The following MAPK10 variants were observed in gnomAD, a reference collection of about 807,000 sequenced individuals.
MAPK10 encodes the protein mitogen-activated protein kinase 10.
In MAPK10, 25 loss-of-function variants were observed where a neutral mutation model predicts 59.3. The observed-to-expected ratio is 0.42, with a 90% confidence interval of 0.31 to 0.59. The LOEUF is 0.59. Ranked by LOEUF, MAPK10 falls within the 20% of genes least tolerant of loss-of-function variation. The pLI, the probability that MAPK10 is intolerant of heterozygous loss-of-function variation, is 0.15. For synonymous variants in MAPK10, 190 were observed against 200.5 expected (o/e 0.95, Z 0.44); for missense variants, 351 against 568.9 (o/e 0.62, Z 3.90).
intron 1 of MAPK10, among the ~76,000 whole-genome samples, chr4:86,410,079 A>G (rs950138751): frequency 3.3e-5 from 5 of 152,200 alleles, no homozygotes; most frequent in African/African-American, 4.8e-5. Flanking sequence ...AATTTCATCA[A>G]TACCTAGTTT....
At chr4:86,203,884 A>G (rs1036571737) in intron 2 of MAPK10, among the ~76,000 whole-genome samples, 1 of 151,798 alleles carries the variant, frequency 6.6e-6, no homozygotes, top group Non-Finnish European at 1.5e-5. Flanking sequence ...ATTTTCTAAT[A>G]AGAACTGTGC....
chr4:86,090,216 A>C (rs2052826372), intron 9 of MAPK10: 1 of 151,300 alleles, frequency 6.6e-6, no homozygotes, highest in Non-Finnish European at 1.5e-5. Flanking sequence ...TGTGGGGGGA[A>C]AAATAAACAG....
At chr4:86,264,267 G>A (rs1395993952) in intron 2 of MAPK10, among the ~76,000 whole-genome samples, 1 of 151,932 alleles carries the variant, frequency 6.6e-6, no homozygotes, top group Non-Finnish European at 1.5e-5. Flanking sequence ...GTTATTTTTT[G>A]TAAAGTTGCC....
intron 12 of MAPK10, 145 bp downstream of exon 12, chr4:86,031,223 G>C: frequency 1.6e-6 from 1 of 624,364 alleles, no homozygotes; most frequent in Non-Finnish European, 2.8e-6. Flanking sequence ...AAAGACAGAT[G>C]AAGTTTTAGG....
At chr4:86,329,687 G>A (rs1441338699) in intron 2 of MAPK10, among the ~76,000 whole-genome samples, 1 of 152,016 alleles carries the variant, frequency 6.6e-6, no homozygotes, top group Non-Finnish European at 1.5e-5. Context: ...GCAGAGATCC[G>A]GAGTCACAAT....
At chr4:86,508,031 C>T (rs1755936541) in intron 1 of MAPK10, among the ~76,000 whole-genome samples, 1 of 151,990 alleles carries the variant, frequency 6.6e-6, no homozygotes. Context: ...TTATCTCAAA[C>T]CAATTATGTA....
intron 2 of MAPK10, among the ~76,000 whole-genome samples, chr4:86,213,606 G>T (rs2086496359): frequency 6.6e-6 from 1 of 151,960 alleles, no homozygotes; most frequent in African/African-American, 2.4e-5. Flanking sequence ...CAAATTGCTT[G>T]AACTAAATGA....
rs1030098988 is a variant in MAPK10 at position 86,438,460 on chromosome 4, G to A, written c.-122+14570C>T. ...ATCCCAGCACTTTGGGAGGCCGAGG[G>A]GGGTGGATCATCTGAGGTCAGGAGT... On this transcript the variant is annotated intron_variant, in intron 1 of 13. Transcript: ENST00000361569. Among the ~76,000 whole-genome samples the A allele has an allele frequency of 1.2e-4, 18 of 152,024 alleles. No individual in the cohort carries two copies. In the South Asian group the frequency reaches 3.7e-3, roughly 32 times the overall value.
intron 1 of MAPK10, chr4:86,356,488 C>T (rs1734536098): frequency 3.3e-6 from 3 of 921,706 alleles, no homozygotes; most frequent in African/African-American, 3.6e-5. Flanking sequence ...AGAGTTTCTA[C>T]CAAGATTCAC....
intron 1 of MAPK10, among the ~76,000 whole-genome samples, chr4:86,407,455 T>C (rs1441687713): frequency 6.6e-6 from 1 of 152,146 alleles, no homozygotes; most frequent in Non-Finnish European, 1.5e-5. Flanking sequence ...TGTCTACCAA[T>C]GTCATTCACT....
intron 2 of MAPK10, among the ~76,000 whole-genome samples, chr4:86,199,883 C>T (rs1582635782): frequency 6.6e-6 from 1 of 152,014 alleles, no homozygotes; most frequent in South Asian, 2.1e-4. Context: ...ATAGGAAATA[C>T]TCTTGAGGAG....
At position 86,419,416 on chromosome 4, in the gene MAPK10, T is replaced by C. The variant is rs150606068; in HGVS notation, c.-122+33614A>G. 4.6e-5 allele frequency among the ~76,000 whole-genome samples: 7 copies of C among 152,322 alleles called. No individual in the cohort carries two copies. The East Asian group carries it at 1.3e-3, about 29-fold the overall frequency. ...ATGGCATGATGTGTATATACATTTATGTACACAAAAATTACATACATAACA... is the reference window on the plus strand; with the variant it reads ...ATGGCATGATGTGTATATACATTTACGTACACAAAAATTACATACATAACA... On this transcript the variant is annotated intron_variant, in intron 1 of 13. Coordinates refer to the MAPK10 transcript ENST00000361569.
chr4:86,030,638 T>G (rs1031138047), intron 12 of MAPK10, among the ~76,000 whole-genome samples: 4 of 152,152 alleles, frequency 2.6e-5, no homozygotes, highest in Non-Finnish European at 5.9e-5. Context: ...TGGCCCTGTT[T>G]AGTATCTTTA....
intron 1 of MAPK10, among the ~76,000 whole-genome samples, chr4:86,403,211 T>G (rs898979585): frequency 1.3e-5 from 2 of 152,122 alleles, no homozygotes; most frequent in Non-Finnish European, 2.9e-5. Flanking sequence ...TAGTCCATTT[T>G]CACACTACTA....
At chr4:86,361,522 C>T (rs564837967), upstream of MAPK10, among the ~76,000 whole-genome samples, 68 of 152,208 alleles carry the variant, frequency 4.5e-4, 1 homozygote, top group Non-Finnish European at 8.7e-4. Context: ...TCCCCAATCC[C>T]ATGGAAATTA....
chr4:86,304,412 A>C (rs1258545926), intron 2 of MAPK10, among the ~76,000 whole-genome samples: 1 of 52,680 alleles, frequency 1.9e-5, no homozygotes, highest in African/African-American at 9.2e-5. Flanking sequence ...TTTTTTTTTG[A>C]GACGGAGTCC....
intron 9 of MAPK10, among the ~76,000 whole-genome samples, chr4:86,078,856 G>A (rs2050055515): frequency 6.6e-6 from 1 of 151,956 alleles, no homozygotes. Flanking sequence ...GGGTGTGGTG[G>A]CACATGCCTG....
At chr4:86,464,002 T>C (rs1158246134) in intron 1 of MAPK10, among the ~76,000 whole-genome samples, 1 of 152,130 alleles carries the variant, frequency 6.6e-6, no homozygotes, top group Non-Finnish European at 1.5e-5. Context: ...ACTCTAACTC[T>C]TTATTTGGAT....
At chr4:86,184,871 T>C (rs1242955937) in intron 3 of MAPK10, among the ~76,000 whole-genome samples, 1 of 152,158 alleles carries the variant, frequency 6.6e-6, no homozygotes, top group African/African-American at 2.4e-5. Flanking sequence ...CAAGTATTTC[T>C]TTATAGCATC....
Sources: allele counts gnomAD v4.1 joint callset (sites outside exome capture counted in the v4.1 genomes callset), GRCh38; gene constraint gnomAD v4.1.1; transcripts MANE v1.5; gene names NCBI Gene and HGNC (gene_info 2026-07-23, HGNC 2026-07-21).